NAV1: variants seen among roughly 807,000 people sequenced by gnomAD.
NAV1 encodes pore membrane and/or filament interacting like protein 3.
In NAV1, 18 loss-of-function variants were observed where a neutral mutation model predicts 175.2. That is an observed-to-expected ratio of 0.10 (90% confidence interval 0.07 to 0.15). The LOEUF is 0.15. Among genes scored for constraint, NAV1 ranks in the 10% least tolerant of loss-of-function variants. The pLI is 1.00. For missense variants in NAV1, 1,731 were observed against 2,436.6 expected, an observed-to-expected ratio of 0.71 and a Z score of 6.10; for synonymous variants, 897 against 978.7, an observed-to-expected ratio of 0.92 and a Z score of 1.56.
At chr1:201,802,552 G>A (rs1202830293) in intron 15 of NAV1, among the ~76,000 whole-genome samples, 1 of 151,262 alleles carries the variant, frequency 6.6e-6, no homozygotes, top group Non-Finnish European at 1.5e-5. Context: ...AGGCTGAGGT[G>A]GGTGGATCAT....
intron 1 of NAV1, among the ~76,000 whole-genome samples, chr1:201,549,103 CTTT>C (rs1665759775): frequency 1.4e-5 from 2 of 147,944 alleles, no homozygotes; most frequent in African/African-American, 2.5e-5. Flanking sequence ...TTCTTTCTTT[CTTT>C]CTTTCTTTCT....
At chr1:201,820,868 T>G (rs1285057433) in exon 30 of NAV1, 1 of 152,034 alleles carries the variant, frequency 6.6e-6, no homozygotes, top group African/African-American at 2.4e-5. Context: ...CACGAGATGC[T>G]TGGGTTGCTT....
chr1:201,744,626 T>C (rs367772452), intron 3 of NAV1, among the ~76,000 whole-genome samples: 4 of 152,280 alleles, frequency 2.6e-5, no homozygotes, highest in East Asian at 1.9e-4. Context: ...ATATGTGCAG[T>C]AACTGAAAGC....
chr1:201,817,782 A>C (rs1679146822), intron 29 of NAV1, among the ~76,000 whole-genome samples: 1 of 152,226 alleles, frequency 6.6e-6, no homozygotes, highest in Non-Finnish European at 1.5e-5. Context: ...CTCTGACGCT[A>C]TCCTGAAGAC....
At chr1:201,579,479 C>T (rs1666785551) in intron 1 of NAV1, among the ~76,000 whole-genome samples, 1 of 152,118 alleles carries the variant, frequency 6.6e-6, no homozygotes, top group Non-Finnish European at 1.5e-5. Context: ...CCTCAGCCTC[C>T]CGAGTAGCTG....
At chr1:201,799,834 T>C (rs1020737389) in intron 15 of NAV1, among the ~76,000 whole-genome samples, 8 of 147,866 alleles carry the variant, frequency 5.4e-5, no homozygotes, top group Admixed American at 2.0e-4. Context: ...CACTCCAGCC[T>C]GGGCAACAAG....
exon 1 of NAV1, chr1:201,648,823 G>A: frequency 6.3e-7 from 1 of 1,591,126 alleles, no homozygotes; most frequent in Non-Finnish European, 8.5e-7. Flanking sequence ...GCGCCCGGCG[G>A]CGGCGGCGGC....
intron 15 of NAV1, chr1:201,796,549 A>C (rs1255381626): frequency 1.3e-5 from 2 of 152,294 alleles, no homozygotes; most frequent in African/African-American, 2.4e-5. Flanking sequence ...GCTAGTCTCG[A>C]ACTCCTGACC....
chr1:201,621,630 T>C (rs1388487600), upstream of NAV1, among the ~76,000 whole-genome samples: 6 of 152,152 alleles, frequency 3.9e-5, no homozygotes, highest in East Asian at 9.6e-4. Context: ...CTGCGCCCAG[T>C]CTGTTGCAAG....
rs571162955 is a variant in NAV1, at chr1:201,582,279, A to T, written c.-143-6260A>T. Among the ~76,000 whole-genome samples the T allele has an allele frequency of 2.0e-5, 3 of 152,338 alleles. No individual in the cohort carries two copies. The East Asian group carries it at 5.8e-4, about 29-fold the overall frequency. On this transcript the variant is annotated intron_variant, in intron 1 of 33. Coordinates refer to the NAV1 transcript ENST00000685211. Reference sequence around the variant, plus strand: ...GCAAGAGAGGAAATTTAGTGCTGAGAACTGGCTACATGAGAGAGAGAAGAG... The same window carrying T: ...GCAAGAGAGGAAATTTAGTGCTGAGTACTGGCTACATGAGAGAGAGAAGAG...
intron 1 of NAV1, among the ~76,000 whole-genome samples, chr1:201,711,639 T>C (rs1318993811): frequency 2.0e-5 from 3 of 152,164 alleles, no homozygotes; most frequent in Non-Finnish European, 2.9e-5. Flanking sequence ...TCTTGGGTTT[T>C]CTCTGTTGTT....
At chr1:201,756,826 TTCTTTC>T (rs1173276982) in intron 3 of NAV1, among the ~76,000 whole-genome samples, 15,935 of 78,964 alleles carry the variant, frequency 0.2, 1,772 homozygotes, top group Non-Finnish European at 0.26. Context: ...CTTTCTTTCT[TTCTTTC>T]TTTCTTTCTT....
At chr1:201,602,404 C>T (rs535825587) in intron 2 of NAV1, among the ~76,000 whole-genome samples, 6 of 152,128 alleles carry the variant, frequency 3.9e-5, no homozygotes, top group Non-Finnish European at 7.4e-5. Context: ...TACAGTGGCG[C>T]GGTCTCGGCT....
chr1:201,594,378 G>A (rs550805881), intron 2 of NAV1, among the ~76,000 whole-genome samples: 78 of 152,284 alleles, frequency 5.1e-4, no homozygotes, highest in Admixed American at 1.8e-3. Context: ...TGGAAAGCTT[G>A]TGGAGCTCCC....
intron 2 of NAV1, among the ~76,000 whole-genome samples, chr1:201,594,148 G>C (rs1667285847): frequency 6.6e-6 from 1 of 151,962 alleles, no homozygotes; most frequent in Non-Finnish European, 1.5e-5. Flanking sequence ...CGTGGAAGGG[G>C]ACCCGAGCGG....
chr1:201,739,710 G>A, intron 3 of NAV1: 1 of 1,044,310 alleles, frequency 9.6e-7, no homozygotes, highest in South Asian at 4.7e-5. Flanking sequence ...CACCGGAACG[G>A]AGGAGGCTTC....
chr1:201,783,666 G>C (rs760915786), exon 7 of NAV1: 2 of 1,614,178 alleles, frequency 1.2e-6, no homozygotes, highest in Non-Finnish European at 1.7e-6. Context: ...AAAGAGACCC[G>C]CATGTACCCC....
rs530860892 is a variant in NAV1 at position 201,737,287 on chromosome 1, A to G, written c.1226+18532A>G. On this transcript the variant is annotated intron_variant, in intron 3 of 29. Transcript: ENST00000367296. ...ATAAAAGCTCACCATAACCTCCACG[A>G]AGCAGTAAGGTAGACACTACTGTGG... The G allele has an allele frequency of 3.9e-5, 6 of 152,300 alleles. No individual in the cohort carries two copies. In the South Asian group the frequency reaches 1.2e-3, roughly 32 times the overall value. 9.4% of individuals were successfully genotyped at this position (152,300 alleles called of 1,614,324 possible).
At chr1:201,664,647 C>G (rs1348990446) in intron 1 of NAV1, among the ~76,000 whole-genome samples, 1 of 152,198 alleles carries the variant, frequency 6.6e-6, no homozygotes, top group East Asian at 1.9e-4. Flanking sequence ...GCTCCCTGTC[C>G]TGATGGAGGA....
Sources: allele counts gnomAD v4.1 joint callset (sites outside exome capture counted in the v4.1 genomes callset), GRCh38; gene constraint gnomAD v4.1.1; transcripts MANE v1.5; gene names NCBI Gene and HGNC (gene_info 2026-07-23, HGNC 2026-07-21).